Variants in EVX1 observed in about 807,000 individuals in gnomAD.
EVX1 encodes homeobox even-skipped homolog protein 1.
A neutral mutation model predicts 28.6 loss-of-function variants in EVX1; 19 were observed. The ratio of observed to expected loss-of-function variants is 0.67; its 90% CI spans 0.46 to 0.98. The LOEUF is 0.98. EVX1 is among the 50% of genes least tolerant of loss of function. EVX1 has a pLI of 0.00. For synonymous variants in EVX1, 324 were observed against 278.2 expected, an observed-to-expected ratio of 1.16 and a Z score of -1.64; for missense variants, 660 against 583.0, an observed-to-expected ratio of 1.13 and a Z score of -1.36.
At chr7:27,245,395 A>G in intron 2 of EVX1, 91 bp downstream of exon 2, 1 of 1,550,172 alleles carries the variant, frequency 6.5e-7, no homozygotes, top group Non-Finnish European at 8.8e-7. Flanking sequence ...CAGGCCAGGA[A>G]TCTGGGCCTG....
intron 2 of EVX1, 128 bp downstream of exon 2, chr7:27,245,432 T>A: frequency 1.5e-6 from 2 of 1,360,430 alleles, no homozygotes; most frequent in South Asian, 1.4e-5. Context: ...CGCGTGCAGA[T>A]TGACCCTCGT....
intron 1 of EVX1, chr7:27,243,672 GT>G: frequency 1.9e-6 from 1 of 517,624 alleles, no homozygotes; most frequent in South Asian, 3.6e-5. Flanking sequence ...TGAGTGCGGG[GT>G]GCTGAGGGGG....
rs762250672 is a variant in EVX1, at chr7:27,246,064, G to GCGCCGCATC, written c.870_878dup (p.Ser294_Ala296dup). 6.3e-7 allele frequency: 1 copy of GCGCCGCATC among 1,582,480 alleles called. No homozygotes were observed. Among genetic ancestry groups the GCGCCGCATC allele is most frequent in the South Asian group, 1.1e-5 (1 of 89,554 alleles). ...CCCTACTACTCGCCGGTGGGCCTGG[G>GCGCCGCATC]CGCCGCATCCGCCGCCTCCGCCGCC... On this transcript the variant is annotated inframe_insertion, in exon 3 of 3. Coordinates refer to ENST00000496902, the MANE Select transcript of EVX1 (RefSeq NM_001989.5).
rs753560464 is a variant in EVX1 at position 27,246,053 on chromosome 7, G to A, written c.852G>A (p.Pro284=). 3.3e-5 allele frequency: 53 copies of A among 1,587,744 alleles called. No homozygotes were observed. Among genetic ancestry groups the A allele is most frequent in the Non-Finnish European group, 4.4e-5 (52 of 1,175,330 alleles). ...PSHLPLPYYS[P]VGLGAASAAS... The stretch of plus-strand genomic sequence containing the variant: ...ACCTGCCCCTGCCCTACTACTCGCC[G>A]GTGGGCCTGGGCGCCGCATCCGCCG... Residue 284 remains proline, a synonymous_variant, in exon 3 of 3, where the codon CCG becomes CCA. Transcript: ENST00000496902.
In EVX1 at chr7:27,243,242, A is replaced by G; in HGVS notation, c.212A>G (p.Asp71Gly). ...GGAGGCCCGGAGGAGGAGCCGGTAG[A>G]TGGACTCGCAGGCAGCGCGGCGGGG... ...GGGGPEEEPV[D>G]GLAGSAAGPG... The change falls in exon 1 of 3, where the codon GAT becomes GGT. Residue 71 changes from aspartate to glycine, a missense_variant. Transcript: ENST00000496902. The G allele has an allele frequency of 6.5e-7, 1 of 1,548,180 alleles. No homozygotes were observed. The highest frequency in any genetic ancestry group is 1.2e-5 in the South Asian group (1 of 84,390).
Position 27,246,531 on chromosome 7 carries a change from G to T in EVX1, c.*106G>T. 1.7e-6 allele frequency: 2 copies of T among 1,173,518 alleles called. No homozygotes were observed. The highest frequency in any genetic ancestry group is 2.8e-5 in the South Asian group (2 of 71,110). The allele number at this position is 1,173,518 out of a possible 1,614,324, so 72.7% of individuals were successfully genotyped here. A position where few individuals can be genotyped will look rare whatever the true frequency, so the allele number is the denominator to read the frequency against. On this transcript the variant is annotated 3_prime_UTR_variant, in exon 3 of 3. Coordinates refer to ENST00000496902, the MANE Select transcript of EVX1 (RefSeq NM_001989.5). ...GCTCCTCGCTCCTCGCCCCTAGGAC[G>T]CCAAGGGGGAAAGGAGAGGGCGGAA...
chr7:27,246,705 G>A lies in EVX1; in HGVS notation c.*280G>A. Reference sequence around the variant, plus strand: ...TCCGGACCCACCGCCCCCCACCAGGGTCGAGGCTGTAGCTCCAAAGCTAAA... The same window carrying A: ...TCCGGACCCACCGCCCCCCACCAGGATCGAGGCTGTAGCTCCAAAGCTAAA... On this transcript the variant is annotated 3_prime_UTR_variant, in exon 3 of 3. Coordinates refer to ENST00000496902, the MANE Select transcript of EVX1 (RefSeq NM_001989.5). The A allele has an allele frequency of 4.1e-6, 2 of 485,220 alleles. No homozygotes were observed. Among genetic ancestry groups the A allele is most frequent in the East Asian group, 7.9e-5 (2 of 25,212 alleles). 30.1% of individuals were successfully genotyped at this position (485,220 alleles called of 1,614,324 possible).
At position 27,243,324 on chromosome 7, in the gene EVX1, C is replaced by T. The variant is rs771491861; in HGVS notation, c.294C>T (p.Ala98=). ...GAAMLGPGPP[A]PSVDSLSGQG... ...CCATGCTCGGCCCAGGACCCCCGGC[C>T]CCCTCAGTCGACAGCCTCTCCGGAC... The change falls in exon 1 of 3, where the codon GCC becomes GCT. Residue 98 remains alanine, a synonymous_variant. Transcript: ENST00000496902. 2.1e-5 allele frequency: 34 copies of T among 1,590,238 alleles called. No individual in the cohort carries two copies. The Middle Eastern group carries it at 6.6e-4, about 31-fold the overall frequency.
Position 27,243,017 on chromosome 7 carries a change from C to A in EVX1, c.-14C>A. 1.3e-6 allele frequency: 2 copies of A among 1,551,944 alleles called. No homozygotes were observed. Among genetic ancestry groups the A allele is most frequent in the South Asian group, 1.2e-5 (1 of 81,256 alleles). On this transcript the variant is annotated 5_prime_UTR_variant, in exon 1 of 3. Coordinates refer to ENST00000496902, the MANE Select transcript of EVX1 (RefSeq NM_001989.5). ...CACTTGGGGCTTTCCCCTCCCCCACCGGAGAGCCCCGGGATGGAGAGCCGA... is the reference window on the plus strand; with the variant it reads ...CACTTGGGGCTTTCCCCTCCCCCACAGGAGAGCCCCGGGATGGAGAGCCGA...
rs746071847 is a variant in EVX1 at position 27,246,248 on chromosome 7, C to T, written c.1047C>T (p.Cys349=). Residue 349 remains cysteine, a synonymous_variant, in exon 3 of 3, where the codon TGC becomes TGT. Transcript: ENST00000496902. ...LGASAGGPCS[C]LACHSGPANG... ...CCTCTGCCGGCGGCCCCTGCTCCTG[C>T]CTCGCCTGTCACAGCGGCCCGGCCA... 6.5e-7 allele frequency: 1 copy of T among 1,545,602 alleles called. No homozygotes were observed. Among genetic ancestry groups the T allele is most frequent in the Non-Finnish European group, 8.7e-7 (1 of 1,153,676 alleles).
At chr7:27,245,643 G>T (rs1783151234) in intron 2 of EVX1, among the ~76,000 whole-genome samples, 1 of 152,134 alleles carries the variant, frequency 6.6e-6, no homozygotes, top group African/African-American at 2.4e-5. Context: ...ACTGGCCTCT[G>T]GCACCCCGGG....
At position 27,246,919 on chromosome 7, in the gene EVX1, C is replaced by T. The variant is rs17501857; in HGVS notation, c.*494C>T. 6.6e-3 allele frequency: 1,073 copies of T among 162,728 alleles called. 20 individuals are homozygous for T. Among genetic ancestry groups the T allele is most frequent in the African/African-American group, 0.025 (1,023 of 41,696 alleles). The allele number at this position is 162,728 out of a possible 1,614,324, so 10.1% of individuals were successfully genotyped here. A position where few individuals can be genotyped will look rare whatever the true frequency, so the allele number is the denominator to read the frequency against. On this transcript the variant is annotated 3_prime_UTR_variant, in exon 3 of 3. Coordinates refer to ENST00000496902, the MANE Select transcript of EVX1 (RefSeq NM_001989.5). ...GCAGGTAGAGATTAATCTTTGCCAG[C>T]TTTTCCAAGGCATGACAAGGGGCTG...
Position 27,243,476 on chromosome 7 carries a change from C to G in EVX1, c.427+19C>G. 4 of 1,554,606 alleles carry G rather than the reference C, an allele frequency of 2.6e-6. No homozygotes were observed. The highest frequency in any genetic ancestry group is 2.6e-6 in the Non-Finnish European group (3 of 1,153,880). On this transcript the variant is annotated intron_variant, in intron 1 of 2. Transcript: ENST00000496902. The stretch of plus-strand genomic sequence containing the variant: ...AGCAAAGGTAGCCACCGTGCCCCTC[C>G]GCTCCCCGGGCCTCCCACTGCGCCC...
chr7:27,243,380 C>A lies in EVX1; in HGVS notation c.350C>A (p.Ser117Ter), dbSNP rs759398187. The A allele has an allele frequency of 6.2e-7, 1 of 1,612,108 alleles. No homozygotes were observed. Among genetic ancestry groups the A allele is most frequent in the Admixed American group, 1.7e-5 (1 of 59,972 alleles). The change falls in exon 1 of 3, where the codon TCG becomes TAG. Residue 117 changes from serine (S) to a stop codon, truncating the protein, a stop_gained. Coordinates refer to ENST00000496902, the MANE Select transcript of EVX1 (RefSeq NM_001989.5). LOFTEE classifies it high-confidence loss of function. ...QGQPSSSDTE[S>*]DFYEEIEVSC... ...CAACCCAGTAGCTCGGACACCGAGT[C>A]GGATTTCTATGAAGAAATCGAGGTG... is the stretch of plus-strand genomic sequence containing the variant.
In EVX1 at chr7:27,246,443, G is replaced by A; in HGVS notation, c.*18G>A. The A allele has an allele frequency of 6.3e-7, 1 of 1,584,346 alleles. No individual in the cohort carries two copies. The highest frequency in any genetic ancestry group is 1.4e-5 in the African/African-American group (1 of 73,316). Reference sequence around the variant, plus strand: ...CTAGATAAGGGGCCGCCGGCTGGCTGCCGGCTCCATGACGCCCGTGGGGTC... The same window carrying A: ...CTAGATAAGGGGCCGCCGGCTGGCTACCGGCTCCATGACGCCCGTGGGGTC... On this transcript the variant is annotated 3_prime_UTR_variant, in exon 3 of 3. Transcript: ENST00000496902.
chr7:27,244,975 G>A lies in EVX1; in HGVS notation c.428-73G>A, dbSNP rs1426226323. 7.1e-6 allele frequency: 11 copies of A among 1,548,764 alleles called. No homozygotes were observed. In the South Asian group the frequency reaches 1.3e-4, roughly 19 times the overall value. On this transcript the variant is annotated intron_variant, in intron 1 of 2. Coordinates refer to ENST00000496902, the MANE Select transcript of EVX1 (RefSeq NM_001989.5). Reference sequence around the variant, plus strand: ...TTCCCAAATCACCCTCCCACCTTAGGCCTACAGCCCCACTTCAATGGCGTT... The same window carrying A: ...TTCCCAAATCACCCTCCCACCTTAGACCTACAGCCCCACTTCAATGGCGTT...
intron 1 of EVX1, among the ~76,000 whole-genome samples, chr7:27,244,225 C>A (rs983672449): frequency 2.0e-5 from 3 of 152,188 alleles, no homozygotes; most frequent in African/African-American, 7.2e-5. Flanking sequence ...GTGGATAGCC[C>A]GGAAGGGAGT....
Position 27,245,054 on chromosome 7 carries a change from G to T in EVX1, c.434G>T (p.Gly145Val). 1 of 1,609,996 alleles carries T rather than the reference G, an allele frequency of 6.2e-7. No individual in the cohort carries two copies. Among genetic ancestry groups the T allele is most frequent in the South Asian group, 1.1e-5 (1 of 91,008 alleles). The part of the protein sequence containing the change: ...NAEYQHSKGS[G>V]SEALVGSPNG... ...CTCTGGACTCGCTGTGCAGGGTCCG[G>T]CTCCGAGGCGCTGGTCGGCAGTCCG... Residue 145 changes from glycine (G) to valine (V), a missense_variant, in exon 2 of 3, where the codon GGC becomes GTC. Gly to Val is a moderately radical substitution (Grantham distance 109, BLOSUM62 -3). Coordinates refer to ENST00000496902, the MANE Select transcript of EVX1 (RefSeq NM_001989.5).
Position 27,242,933 on chromosome 7 carries a change from C to A in EVX1, c.-98C>A, listed in dbSNP as rs1783060832. 4 of 1,313,650 alleles carry A rather than the reference C, an allele frequency of 3.0e-6. No individual in the cohort carries two copies. The East Asian group carries it at 1.1e-4, about 36-fold the overall frequency. The allele number at this position is 1,313,650 out of a possible 1,614,324, so 81.4% of individuals were successfully genotyped here. A position where few individuals can be genotyped will look rare whatever the true frequency, so the allele number is the denominator to read the frequency against. ...CCCAGGCACCCGGCCTTTCTTTCTC[C>A]CTCTTGCAACCAAGATCCGTCCGGC... On this transcript the variant is annotated 5_prime_UTR_variant, in exon 1 of 3. Coordinates refer to ENST00000496902, the MANE Select transcript of EVX1 (RefSeq NM_001989.5).
Sources: allele counts gnomAD v4.1 joint callset (sites outside exome capture counted in the v4.1 genomes callset), GRCh38; gene constraint gnomAD v4.1.1; transcripts MANE v1.5; gene names NCBI Gene and HGNC (gene_info 2026-07-23, HGNC 2026-07-21).